Variants in ASIC4 observed in about 807,000 individuals in gnomAD.
ASIC4 encodes acid sensing ion channel subunit family member 4.
Under a neutral mutation model 53.4 loss-of-function variants are expected in ASIC4, and 28 were observed. The ratio of observed to expected loss-of-function variants is 0.52; its 90% CI spans 0.39 to 0.72. ASIC4 has a LOEUF of 0.72. Ranked by LOEUF, ASIC4 falls within the 30% of genes least tolerant of loss-of-function variation. The probability of loss-of-function intolerance (pLI) is 0.00; values close to 1 mark genes in which losing one functional copy is unlikely to be tolerated. For missense variants in ASIC4, 649 were observed against 729.7 expected, an observed-to-expected ratio of 0.89 and a Z score of 1.27; for synonymous variants, 289 against 301.4, an observed-to-expected ratio of 0.96 and a Z score of 0.43.
chr2:219,509,257 CCCA>C (rs1438546945), upstream of ASIC4, among the ~76,000 whole-genome samples: 2 of 152,066 alleles, frequency 1.3e-5, no homozygotes, highest in Non-Finnish European at 2.9e-5. This position sits in a 1 kb window ranked among gnomAD's most constrained non-coding sequence, Gnocchi z 5.2. Context: ...CAGCTGGGGC[CCCA>C]CCACATCTGC....
chr2:219,535,338 TG>T lies in ASIC4; in HGVS notation c.1229+15del, dbSNP rs2105980710. ...GACCTACATACGGTATGTGTGTGTG[TG>T]TGTGGGGGGTGGCTGTGTGACTCTG... On this transcript the variant is annotated intron_variant, in intron 6 of 9. Coordinates refer to ENST00000358078, the MANE Select transcript of ASIC4 (RefSeq NM_018674.6). 2 of 1,501,106 alleles carry T rather than the reference TG, an allele frequency of 1.3e-6. No individual in the cohort carries two copies. Among genetic ancestry groups the T allele is most frequent in the South Asian group, 1.2e-5 (1 of 82,872 alleles). The allele number at this position is 1,501,106 out of a possible 1,614,324, so 93.0% of individuals were successfully genotyped here. A position where few individuals can be genotyped will look rare whatever the true frequency, so the allele number is the denominator to read the frequency against.
Position 219,532,010 on chromosome 2 carries a change from C to T in ASIC4, c.737C>T (p.Ser246Leu), listed in dbSNP as rs777793535. ...LPIWRETNETSFEAGIRVQIH... is the reference protein window; with the variant it reads ...LPIWRETNETLFEAGIRVQIH... The stretch of plus-strand genomic sequence containing the variant: ...CATCTCTGCTGTGCAGATGAGACGT[C>T]GTTTGAGGCAGGTATTCGGGTGCAG... The change falls in exon 3 of 10, where the codon TCG (serine) becomes TTG (leucine). Residue 246 changes from serine (S) to leucine (L), a missense_variant. By Grantham distance (145) the Ser-to-Leu change is moderately radical. Coordinates refer to ENST00000358078, the MANE Select transcript of ASIC4 (RefSeq NM_018674.6). The T allele has an allele frequency of 6.8e-6, 11 of 1,614,198 alleles. No homozygotes were observed. The highest frequency in any genetic ancestry group is 1.3e-5 in the African/African-American group (1 of 75,064).
chr2:219,521,127 T>G (rs1328564038), intron 1 of ASIC4, among the ~76,000 whole-genome samples: 1 of 151,232 alleles, frequency 6.6e-6, no homozygotes, highest in Non-Finnish European at 1.5e-5. Context: ...GGCAGTGGAG[T>G]GGGTGGAGGG....
chr2:219,529,621 C>T (rs886126843), intron 1 of ASIC4, among the ~76,000 whole-genome samples: 1 of 152,076 alleles, frequency 6.6e-6, no homozygotes, highest in Admixed American at 6.5e-5. Context: ...GCTGGAGCCT[C>T]GCCCCTCGAT....
At chr2:219,511,637 C>T (rs1469405793), upstream of ASIC4, among the ~76,000 whole-genome samples, 2 of 152,110 alleles carry the variant, frequency 1.3e-5, no homozygotes, top group African/African-American at 2.4e-5. This position sits in a 1 kb window ranked among gnomAD's most constrained non-coding sequence, Gnocchi z 5.3. Context: ...CCCCTTTGCT[C>T]ACACCCAGCT....
Position 219,535,333 on chromosome 2 carries a change from G to C in ASIC4, c.1229+9G>C. 2 of 1,582,826 alleles carry C rather than the reference G, an allele frequency of 1.3e-6. No individual in the cohort carries two copies. Among genetic ancestry groups the C allele is most frequent in the South Asian group, 1.1e-5 (1 of 88,408 alleles). ...AACGAGACCTACATACGGTATGTGT[G>C]TGTGTGTGTGGGGGGTGGCTGTGTG... On this transcript the variant is annotated intron_variant, in intron 6 of 9. Coordinates refer to ENST00000358078, the MANE Select transcript of ASIC4 (RefSeq NM_018674.6).
rs563202355 is a variant in ASIC4, at chr2:219,538,231, C to T, written c.*185C>T. The T allele has an allele frequency of 1.3e-3, 801 of 608,548 alleles. 7 individuals carry two copies. The highest frequency in any genetic ancestry group is 6.9e-3 in the Middle Eastern group (16 of 2,328). 37.7% of individuals were successfully genotyped at this position (608,548 alleles called of 1,614,324 possible). A position where few individuals can be genotyped will look rare whatever the true frequency, so the allele number is the denominator to read the frequency against. ...GCACAAAGGTCCTTCTTGTCCACAC[C>T]CCTTATCCCCAGGCTGGTGCCCCGG... is the stretch of plus-strand genomic sequence containing the variant. On this transcript the variant is annotated 3_prime_UTR_variant, in exon 10 of 10. Transcript: ENST00000358078.
In ASIC4 at chr2:219,537,000, G is replaced by A; in HGVS notation, c.1230-66G>A. 1 of 1,402,124 alleles carries A rather than the reference G, an allele frequency of 7.1e-7. No homozygotes were observed. 86.9% of individuals were successfully genotyped at this position (1,402,124 alleles called of 1,614,324 possible). A position where few individuals can be genotyped will look rare whatever the true frequency, so the allele number is the denominator to read the frequency against. Reference sequence around the variant, plus strand: ...CTCTGATCAGGATCTGCTGGATCCAGGATGCCCCTGCCAGCCTTCTCAGGA... The same window carrying A: ...CTCTGATCAGGATCTGCTGGATCCAAGATGCCCCTGCCAGCCTTCTCAGGA... On this transcript the variant is annotated intron_variant, in intron 6 of 9. Transcript: ENST00000358078. This position sits in a 1 kb window ranked among gnomAD's most constrained non-coding sequence, Gnocchi z 4.6.
At chr2:219,529,512 A>G (rs1345320146) in intron 1 of ASIC4, among the ~76,000 whole-genome samples, 1 of 152,208 alleles carries the variant, frequency 6.6e-6, no homozygotes, top group Non-Finnish European at 1.5e-5. Flanking sequence ...ACTGGGGCCC[A>G]TTCCTGTCTC....
rs1318202948 is a variant in ASIC4 at position 219,516,123 on chromosome 2, C to G, written c.582+817C>G. 2.6e-5 allele frequency among the ~76,000 whole-genome samples: 4 copies of G among 152,098 alleles called. No homozygotes were observed. The highest frequency in any genetic ancestry group is 5.9e-5 in the Non-Finnish European group (4 of 68,012). ...TGGGGGACACAGTTTCCTGCACACTCCCTCTCTCACTCACTGTCCCTGTCA... is the reference window on the plus strand; with the variant it reads ...TGGGGGACACAGTTTCCTGCACACTGCCTCTCTCACTCACTGTCCCTGTCA... On this transcript the variant is annotated intron_variant, in intron 1 of 9. Transcript: ENST00000358078. The surrounding 1 kb of genome is among the most constrained non-coding windows in gnomAD (Gnocchi z 4.9).
At chr2:219,534,123 A>G (rs1011566354) in intron 5 of ASIC4, 1 of 151,960 alleles carries the variant, frequency 6.6e-6, no homozygotes, top group Non-Finnish European at 1.5e-5. Context: ...GGTGAGTCCA[A>G]TGAGATAGGA....
chr2:219,514,432 G>A, upstream of ASIC4: 1 of 1,549,774 alleles, frequency 6.5e-7, no homozygotes, highest in Non-Finnish European at 8.7e-7. Flanking sequence ...ACACACGCAG[G>A]GGCTGACAGC....
chr2:219,521,681 C>T (rs998808545), intron 1 of ASIC4, among the ~76,000 whole-genome samples: 1 of 151,422 alleles, frequency 6.6e-6, no homozygotes, highest in African/African-American at 2.4e-5. Context: ...GATGGACAGC[C>T]ACCCTGCAGG....
intron 1 of ASIC4, among the ~76,000 whole-genome samples, chr2:219,519,288 G>A (rs1694850253): frequency 6.6e-6 from 1 of 152,232 alleles, no homozygotes. Context: ...TATACTCTGT[G>A]TAAGCGTCAG....
intron 1 of ASIC4, among the ~76,000 whole-genome samples, chr2:219,522,594 C>A (rs1694904611): frequency 1.3e-5 from 2 of 150,882 alleles, no homozygotes; most frequent in Admixed American, 1.3e-4. Context: ...GGCTGGGGAT[C>A]TGAGGTCGCG....
chr2:219,525,668 G>A (rs1694951386), intron 1 of ASIC4, among the ~76,000 whole-genome samples: 2 of 152,244 alleles, frequency 1.3e-5, no homozygotes, highest in Non-Finnish European at 2.9e-5. Context: ...AAAGGATAGG[G>A]AAGGAAGAGG....
At chr2:219,521,968 G>T (rs1029796946) in intron 1 of ASIC4, among the ~76,000 whole-genome samples, 2 of 152,224 alleles carry the variant, frequency 1.3e-5, no homozygotes, top group Non-Finnish European at 2.9e-5. Context: ...GGACAGAGGG[G>T]CAGAGATCCT....
chr2:219,514,277 C>G (rs1694739463), upstream of ASIC4: 3 of 1,468,478 alleles, frequency 2.0e-6, no homozygotes, highest in Non-Finnish European at 2.7e-6. Context: ...CTCCTGACGC[C>G]CGTGCTGCCG....
intron 1 of ASIC4, among the ~76,000 whole-genome samples, chr2:219,519,620 C>G (rs1424901148): frequency 6.6e-6 from 1 of 152,204 alleles, no homozygotes; most frequent in Non-Finnish European, 1.5e-5. Flanking sequence ...AGTCACTAGC[C>G]ACATGTGGCT....
Sources: allele counts gnomAD v4.1 joint callset (sites outside exome capture counted in the v4.1 genomes callset), GRCh38; gene constraint gnomAD v4.1.1; non-coding constraint Gnocchi (gnomAD v3.1); transcripts MANE v1.5; gene names NCBI Gene and HGNC (gene_info 2026-07-23, HGNC 2026-07-21).